The following RPS6KA1 variants were observed in gnomAD, a reference collection of about 807,000 sequenced individuals.
RPS6KA1 encodes the protein ribosomal protein S6 kinase alpha-1.
In RPS6KA1, 48 loss-of-function variants were observed where a neutral mutation model predicts 91.3. The observed-to-expected ratio is 0.53, with a 90% CI of 0.42 to 0.67. RPS6KA1 has a LOEUF of 0.67. Among genes scored for constraint, RPS6KA1 ranks in the 30% least tolerant of loss-of-function variants. The pLI is 0.00. For synonymous variants in RPS6KA1, 359 were observed against 384.7 expected, an observed-to-expected ratio of 0.93 and a Z score of 0.78; for missense variants, 719 against 960.5, an observed-to-expected ratio of 0.75 and a Z score of 3.32.
Position 26,551,395 on chromosome 1 carries a change from A to G in RPS6KA1, c.308-2A>G. ...TGGTGACTTCCTTTCTCGTCTGGCC[A>G]GTACGTGACCGCGTCCGGACCAAGA... is the stretch of plus-strand genomic sequence containing the variant. On this transcript the variant is annotated splice_acceptor_variant, in intron 4 of 21. Transcript: ENST00000374168. LOFTEE classifies it high-confidence loss of function. This position sits in a 1 kb window ranked among gnomAD's most constrained non-coding sequence, Gnocchi z 4.5. 6.2e-7 allele frequency: 1 copy of G among 1,614,088 alleles called. No homozygotes were observed. The highest frequency in any genetic ancestry group is 8.5e-7 in the Non-Finnish European group (1 of 1,179,958).
At chr1:26,543,235 T>TCC (rs1176067651) in intron 2 of RPS6KA1, 7 of 1,514,226 alleles carry the variant, frequency 4.6e-6, no homozygotes, top group Admixed American at 3.9e-5. Context: ...AGCAGAAGAG[T>TCC]CGCCTGCCTC....
rs1207462602 is a variant in RPS6KA1, at chr1:26,540,492, GACTTCATGCACTGGCAAAT to G, written c.108+3525_108+3543del. On this transcript the variant is annotated intron_variant, in intron 2 of 21. Transcript: ENST00000374168. This position sits in a 1 kb window ranked among gnomAD's most constrained non-coding sequence, Gnocchi z 4.2. The stretch of plus-strand genomic sequence containing the variant: ...TGCCCCTCTCTGGAAGGTCTTTCTT[GACTTCATGCACTGGCAAAT>G]AGTCACCACCTCTGGGCACCCACAA... Among the ~76,000 whole-genome samples the G allele has an allele frequency of 6.6e-6, 1 of 152,148 alleles. No homozygotes were observed. Among genetic ancestry groups the G allele is most frequent in the Non-Finnish European group, 1.5e-5 (1 of 68,016 alleles).
rs41303625 is a variant in RPS6KA1, at chr1:26,574,698, A to G, written c.*497A>G. The stretch of plus-strand genomic sequence containing the variant: ...TTTAGCAGAACTCATTCTATCCCCA[A>G]TCAGCTCCTTTTCCGTTCTGTTCTG... On this transcript the variant is annotated 3_prime_UTR_variant, in exon 22 of 22. Coordinates refer to ENST00000374168, the MANE Select transcript of RPS6KA1 (RefSeq NM_002953.4). The surrounding 1 kb of genome is among the most constrained non-coding windows in gnomAD (Gnocchi z 4.3). 3,734 of 339,578 alleles carry G rather than the reference A, an allele frequency of 0.011. 33 individuals carry two copies. The highest frequency in any genetic ancestry group is 0.017 in the Non-Finnish European group (2,901 of 172,262). 21.0% of individuals were successfully genotyped at this position (339,578 alleles called of 1,614,324 possible). A position where few individuals can be genotyped will look rare whatever the true frequency, so the allele number is the denominator to read the frequency against.
chr1:26,565,748 G>A (rs2076195561), intron 17 of RPS6KA1, among the ~76,000 whole-genome samples: 1 of 151,990 alleles, frequency 6.6e-6, no homozygotes, highest in African/African-American at 2.4e-5. Flanking sequence ...TTTTAGTAGA[G>A]GCGGGATTTC....
At position 26,552,542 on chromosome 1, in the gene RPS6KA1, A is replaced by T. The variant is rs2076062091; in HGVS notation, c.468+819A>T. 2.2e-5 allele frequency among the ~76,000 whole-genome samples: 3 copies of T among 134,472 alleles called. No homozygotes were observed. The South Asian group carries it at 7.2e-4, about 32-fold the overall frequency. The allele number at this position is 134,472 out of a possible 152,430, so 88.2% of individuals were successfully genotyped here. ...GCTCTTGTCACCCAGGCTGGAGTGC[A>T]CTGGTGGGGTCTCAGCTCACTGCAA... On this transcript the variant is annotated intron_variant, in intron 6 of 21. Coordinates refer to ENST00000374168, the MANE Select transcript of RPS6KA1 (RefSeq NM_002953.4).
rs1304596970 is a variant in RPS6KA1, at chr1:26,558,221, G to T, written c.1085-586G>T. Reference sequence around the variant, plus strand: ...ATCAGGCAAGGCTTCTCAGAGGAGGGAGCGTGCGAGTTGAGTCTTGAAGGA... The same window carrying T: ...ATCAGGCAAGGCTTCTCAGAGGAGGTAGCGTGCGAGTTGAGTCTTGAAGGA... On this transcript the variant is annotated intron_variant, in intron 13 of 21. Transcript: ENST00000374168. The surrounding 1 kb of genome is among the most constrained non-coding windows in gnomAD (Gnocchi z 4.0). 6.6e-6 allele frequency among the ~76,000 whole-genome samples: 1 copy of T among 152,188 alleles called. No individual in the cohort carries two copies. Among genetic ancestry groups the T allele is most frequent in the Non-Finnish European group, 1.5e-5 (1 of 68,044 alleles).
At position 26,554,845 on chromosome 1, in the gene RPS6KA1, C is replaced by T. The variant is rs781464933; in HGVS notation, c.756+107C>T. 2.2e-4 allele frequency: 311 copies of T among 1,423,650 alleles called. No individual in the cohort carries two copies. The highest frequency in any genetic ancestry group is 9.2e-4 in the Admixed American group (41 of 44,542). The allele number at this position is 1,423,650 out of a possible 1,614,324, so 88.2% of individuals were successfully genotyped here. A position where few individuals can be genotyped will look rare whatever the true frequency, so the allele number is the denominator to read the frequency against. On this transcript the variant is annotated intron_variant, in intron 9 of 21. Transcript: ENST00000374168. The surrounding 1 kb of genome is among the most constrained non-coding windows in gnomAD (Gnocchi z 4.6). ...ATTTCTAGGGCTCTCCCCGTCTCCT[C>T]TCACAGCCAAGCTGGCCTCACCCTA... is the stretch of plus-strand genomic sequence containing the variant.
intron 2 of RPS6KA1, chr1:26,543,174 G>A: frequency 6.5e-7 from 1 of 1,535,724 alleles, no homozygotes; most frequent in South Asian, 1.2e-5. Context: ...GCAGACCCCA[G>A]CAGATTTCCC....
chr1:26,543,237 G>A (rs1460071371), intron 2 of RPS6KA1: 15 of 1,507,396 alleles, frequency 1.0e-5, no homozygotes, highest in African/African-American at 1.4e-5. Flanking sequence ...CAGAAGAGTC[G>A]CCTGCCTCCA....
At chr1:26,553,284 G>A in intron 6 of RPS6KA1, 107 bp from the exon 7 acceptor site, 1 of 698,240 alleles carries the variant, frequency 1.4e-6, no homozygotes. Context: ...GGTTTCCAAG[G>A]GTCCTCCCAG....
Position 26,540,631 on chromosome 1 carries a change from A to G in RPS6KA1, c.108+3662A>G, listed in dbSNP as rs1485487897. 6.6e-6 allele frequency among the ~76,000 whole-genome samples: 1 copy of G among 152,212 alleles called. No individual in the cohort carries two copies. The highest frequency in any genetic ancestry group is 1.5e-5 in the Non-Finnish European group (1 of 68,036). On this transcript the variant is annotated intron_variant, in intron 2 of 21. Coordinates refer to ENST00000374168, the MANE Select transcript of RPS6KA1 (RefSeq NM_002953.4). This position sits in a 1 kb window ranked among gnomAD's most constrained non-coding sequence, Gnocchi z 4.2. ...CCCTCTGTTGCCCAGGCTGGAGTGC[A>G]GTGGTACAACCACAGCTCACTGTAG...
chr1:26,563,391 C>A (rs1393503442), intron 17 of RPS6KA1, among the ~76,000 whole-genome samples: 1 of 151,506 alleles, frequency 6.6e-6, no homozygotes, highest in Non-Finnish European at 1.5e-5. Flanking sequence ...CCACACCTGG[C>A]TAATTTTGTA....
At chr1:26,533,164 C>G (rs145814600) in intron 1 of RPS6KA1, among the ~76,000 whole-genome samples, 2,919 of 152,270 alleles carry the variant, frequency 0.019, 95 homozygotes, top group African/African-American at 0.066. Flanking sequence ...ACTGCAACCT[C>G]CACCTCCCGG....
Position 26,554,636 on chromosome 1 carries a change from G to A in RPS6KA1, c.654G>A (p.Lys218=), listed in dbSNP as rs1457146115. The part of the protein sequence containing the change: ...LSKEAIDHEK[K]AYSFCGTVEY... ...AAGAGGCCATTGACCACGAGAAGAA[G>A]GCCTATTCTTTCTGCGGGACAGTGG... The change falls in exon 9 of 22, where the codon AAG becomes AAA. Residue 218 remains lysine (K), a synonymous_variant. Coordinates refer to ENST00000374168, the MANE Select transcript of RPS6KA1 (RefSeq NM_002953.4). This position sits in a 1 kb window ranked among gnomAD's most constrained non-coding sequence, Gnocchi z 4.6. The A allele has an allele frequency of 6.2e-7, 1 of 1,613,918 alleles. No homozygotes were observed.
At chr1:26,546,797 A>G in intron 2 of RPS6KA1, 70 bp from the exon 3 acceptor site, 1 of 1,186,086 alleles carries the variant, frequency 8.4e-7, no homozygotes, top group Non-Finnish European at 1.3e-6. Flanking sequence ...GTGGGAATGG[A>G]CTTGGGCAGG....
chr1:26,573,255 C>G lies in RPS6KA1; in HGVS notation c.1979C>G (p.Pro660Arg), dbSNP rs368282746. The G allele has an allele frequency of 1.2e-6, 2 of 1,614,036 alleles. No individual in the cohort carries two copies. Among genetic ancestry groups the G allele is most frequent in the Non-Finnish European group, 1.7e-6 (2 of 1,180,012 alleles). The part of the protein sequence containing the change: ...DLVSKMLHVD[P>R]HQRLTAKQVL... Reference sequence around the variant, plus strand: ...GTGTCCAAGATGCTACACGTGGATCCCCACCAGCGCCTCACAGCTAAGCAG... The same window carrying G: ...GTGTCCAAGATGCTACACGTGGATCGCCACCAGCGCCTCACAGCTAAGCAG... The change falls in exon 21 of 22, where the codon CCC becomes CGC. Residue 660 changes from proline to arginine, a missense_variant. Physicochemically the swap from Pro to Arg is moderately radical, Grantham distance 103. This residue lies in a region of RPS6KA1 where 249 missense variants were observed against 323.1 expected (regional missense o/e 0.77). Transcript: ENST00000374168.
intron 17 of RPS6KA1, among the ~76,000 whole-genome samples, chr1:26,566,738 C>T (rs369385): frequency 0.34 from 52,310 of 152,018 alleles, 9,831 homozygotes; most frequent in East Asian, 0.75. Flanking sequence ...TTGCATCCTA[C>T]GTGGCAGGAG....
At chr1:26,573,762 A>AC (rs1482058921) in intron 21 of RPS6KA1, among the ~76,000 whole-genome samples, 2 of 152,038 alleles carry the variant, frequency 1.3e-5, no homozygotes, top group African/African-American at 4.8e-5. Context: ...AGATGGTGAA[A>AC]CCCCATCTCT....
chr1:26,573,320 C>T lies in RPS6KA1; in HGVS notation c.2044C>T (p.Pro682Ser), dbSNP rs2076266580. Residue 682 changes from proline (P) to serine (S), a missense_variant, in exon 21 of 22, where the codon CCC becomes TCC. Pro to Ser is a moderately conservative substitution (Grantham distance 74). Coordinates refer to ENST00000374168, the MANE Select transcript of RPS6KA1 (RefSeq NM_002953.4). ...ATGGGTCACCCAGAAAGACAAGCTTCCCCAAAGCCAGCTGTCCCACCAGGA... is the reference window on the plus strand; with the variant it reads ...ATGGGTCACCCAGAAAGACAAGCTTTCCCAAAGCCAGCTGTCCCACCAGGA... ...HPWVTQKDKL[P>S]QSQLSHQDLQ... 1 of 1,614,084 alleles carries T rather than the reference C, an allele frequency of 6.2e-7. No individual in the cohort carries two copies. The highest frequency in any genetic ancestry group is 1.7e-5 in the Admixed American group (1 of 60,010).
Sources: allele counts gnomAD v4.1 joint callset (sites outside exome capture counted in the v4.1 genomes callset), GRCh38; gene constraint gnomAD v4.1.1; regional missense constraint gnomAD v4.1.1; non-coding constraint Gnocchi (gnomAD v3.1); transcripts MANE v1.5; gene names NCBI Gene and HGNC (gene_info 2026-07-23, HGNC 2026-07-21).